Variants in CNTNAP4 observed in about 807,000 individuals in gnomAD.
The protein encoded by CNTNAP4 is contactin-associated protein-like 4.
A neutral mutation model predicts 148.4 loss-of-function variants in CNTNAP4; 98 were observed. The observed-to-expected ratio is 0.66, with a 90% confidence interval of 0.56 to 0.78. CNTNAP4 has a LOEUF of 0.78. Ranked by LOEUF, CNTNAP4 falls within the 30% of genes least tolerant of loss-of-function variation. CNTNAP4 has a pLI of 0.00. For missense variants in CNTNAP4, 1,935 were observed against 1,565.6 expected (o/e 1.24, Z -3.98); for synonymous variants, 730 against 565.1 (o/e 1.29, Z -4.14).
At chr16:76,388,870 G>A (rs1031439713) in intron 3 of CNTNAP4, among the ~76,000 whole-genome samples, 3 of 152,120 alleles carry the variant, frequency 2.0e-5, no homozygotes, top group African/African-American at 7.2e-5. Flanking sequence ...AACATGCTCT[G>A]CTTCCATTGT....
chr16:76,403,921 A>ATCCATGT (rs1735223293), intron 3 of CNTNAP4, among the ~76,000 whole-genome samples: 1 of 152,220 alleles, frequency 6.6e-6, no homozygotes, highest in Non-Finnish European at 1.5e-5. Flanking sequence ...GCTGGAGGCC[A>ATCCATGT]TTATCATTAG....
intron 2 of CNTNAP4, among the ~76,000 whole-genome samples, chr16:76,347,922 T>C (rs1965044499): frequency 6.6e-6 from 1 of 152,140 alleles, no homozygotes; most frequent in Non-Finnish European, 1.5e-5. Context: ...GAGTTGAGAG[T>C]TCTTGCAGTA....
chr16:76,456,879 G>A (rs1333277112), intron 8 of CNTNAP4, among the ~76,000 whole-genome samples: 1 of 152,074 alleles, frequency 6.6e-6, no homozygotes, highest in African/African-American at 2.4e-5. Flanking sequence ...TGTGACCTCG[G>A]TAGTTTCTTT....
intron 1 of CNTNAP4, chr16:76,309,782 AT>A: frequency 1.4e-6 from 1 of 695,558 alleles, no homozygotes. Flanking sequence ...TTCCCGTGCT[AT>A]TCTCGTGATA....
chr16:76,387,771 G>A (rs900721103), intron 3 of CNTNAP4, among the ~76,000 whole-genome samples: 1 of 152,052 alleles, frequency 6.6e-6, no homozygotes, highest in East Asian at 1.9e-4. Flanking sequence ...AAATAAGGGT[G>A]GTTATGTTGT....
chr16:76,501,010 C>T (rs560910282), intron 15 of CNTNAP4, among the ~76,000 whole-genome samples: 1 of 152,210 alleles, frequency 6.6e-6, no homozygotes, highest in Admixed American at 6.5e-5. Context: ...TCTGATAATT[C>T]AGTGGATTTA....
At chr16:76,335,954 C>T (rs1963986115) in intron 2 of CNTNAP4, among the ~76,000 whole-genome samples, 1 of 152,126 alleles carries the variant, frequency 6.6e-6, no homozygotes, top group South Asian at 2.1e-4. Flanking sequence ...TAGGATTGTT[C>T]ACTGTCCAGG....
intron 4 of CNTNAP4, among the ~76,000 whole-genome samples, chr16:76,434,745 C>A (rs7184861): frequency 0.64 from 97,267 of 152,140 alleles, 32,496 homozygotes; most frequent in African/African-American, 0.84. Flanking sequence ...CCCTCAACCT[C>A]CCAGCCAGGA....
chr16:76,470,497 A>ATATATATATATATAT (rs398119511), intron 10 of CNTNAP4, among the ~76,000 whole-genome samples: 19 of 137,380 alleles, frequency 1.4e-4, no homozygotes, highest in African/African-American at 3.3e-4. Context: ...ATATATATAT[A>ATATATATATATATAT]AAATTAGTCG....
intron 19 of CNTNAP4, 66 bp downstream of exon 19, chr16:76,538,406 C>CGAAT: frequency 8.3e-7 from 1 of 1,206,148 alleles, no homozygotes; most frequent in South Asian, 1.3e-5. Flanking sequence ...TAATATGGAT[C>CGAAT]ATTCTCGTGT....
At chr16:76,385,991 A>T (rs764238598) in intron 3 of CNTNAP4, among the ~76,000 whole-genome samples, 6 of 152,180 alleles carry the variant, frequency 3.9e-5, no homozygotes, top group Non-Finnish European at 8.8e-5. Flanking sequence ...TAATGAAAAA[A>T]AACACTTGTT....
chr16:76,520,182 G>T (rs1568484733), intron 15 of CNTNAP4, among the ~76,000 whole-genome samples: 3 of 152,148 alleles, frequency 2.0e-5, no homozygotes, highest in Admixed American at 2.0e-4. Flanking sequence ...AGACAATACA[G>T]AGTTTGTTTC....
At chr16:76,475,009 C>T (rs2081514507) in intron 10 of CNTNAP4, among the ~76,000 whole-genome samples, 1 of 152,170 alleles carries the variant, frequency 6.6e-6, no homozygotes. Context: ...AGATCAGACT[C>T]CAGAGCCAGG....
chr16:76,483,417 C>T (rs2081914074), intron 12 of CNTNAP4, among the ~76,000 whole-genome samples: 1 of 152,182 alleles, frequency 6.6e-6, no homozygotes, highest in Non-Finnish European at 1.5e-5. Flanking sequence ...CGGTCTCATT[C>T]ACCAATCAAT....
At chr16:76,525,754 C>CTTGTA (rs1555593402) in intron 17 of CNTNAP4, among the ~76,000 whole-genome samples, 1 of 146,012 alleles carries the variant, frequency 6.8e-6, no homozygotes, top group African/African-American at 2.5e-5. Flanking sequence ...TATAATATAG[C>CTTGTA]TTATATATAA....
intron 2 of CNTNAP4, among the ~76,000 whole-genome samples, chr16:76,352,164 C>T (rs1488948665): frequency 1.3e-5 from 2 of 152,054 alleles, no homozygotes; most frequent in Admixed American, 6.5e-5. Context: ...GACAAAAATA[C>T]AGAGAGATAT....
At position 76,471,091 on chromosome 16, in the gene CNTNAP4, C is replaced by T. The variant is rs139038515; in HGVS notation, c.1655+3568C>T. Among the ~76,000 whole-genome samples the T allele has an allele frequency of 2.6e-3, 395 of 152,102 alleles. 2 individuals are homozygous for T. The highest frequency in any genetic ancestry group is 2.5e-3 in the Non-Finnish European group (167 of 67,980). On this transcript the variant is annotated intron_variant, in intron 10 of 23. Transcript: ENST00000611870. The stretch of plus-strand genomic sequence containing the variant: ...CTTCCTTACACAGAGTCACTCCCTA[C>T]GCAAACACACACAAACACACACATA...
chr16:76,471,581 C>T (rs1486049885), intron 10 of CNTNAP4, among the ~76,000 whole-genome samples: 1 of 152,096 alleles, frequency 6.6e-6, no homozygotes, highest in East Asian at 1.9e-4. Context: ...TCCATGGCAC[C>T]GTCCTCCATC....
intron 2 of CNTNAP4, among the ~76,000 whole-genome samples, chr16:76,349,910 C>T (rs1965230388): frequency 6.6e-6 from 1 of 151,944 alleles, no homozygotes; most frequent in South Asian, 2.1e-4. Context: ...GTCTGTCATG[C>T]CATTTTTAAT....
Sources: gnomAD v4.1 joint callset for allele counts (sites outside exome capture counted in the v4.1 genomes callset) on GRCh38, gnomAD v4.1.1 for gene constraint, MANE v1.5 for transcripts, NCBI Gene and HGNC (gene_info 2026-07-23, HGNC 2026-07-21) for gene names.